GRID2: variants seen among roughly 807,000 people sequenced by gnomAD.
The protein encoded by GRID2 is glutamate receptor ionotropic, delta-2.
GRID2 carries 33 observed loss-of-function variants against 114.8 expected under a neutral mutation model. The observed-to-expected ratio is 0.29, with a 90% CI of 0.22 to 0.38. The LOEUF (loss-of-function observed/expected upper bound fraction) is 0.38, where lower values mean the gene tolerates loss of function less well. Among genes scored for constraint, GRID2 ranks in the 10% least tolerant of loss-of-function variants. The pLI, the probability that GRID2 is intolerant of heterozygous loss-of-function variation, is 1.00. For missense variants in GRID2, 1,184 were observed against 1,257.7 expected (o/e 0.94, Z 0.89); for synonymous variants, 505 against 449.9 (o/e 1.12, Z -1.55).
intron 13 of GRID2, among the ~76,000 whole-genome samples, chr4:93,580,263 A>T (rs545934289): frequency 6.6e-6 from 1 of 152,324 alleles, no homozygotes; most frequent in African/African-American, 2.4e-5. Flanking sequence ...TCAGTTGAAC[A>T]TGGAGAAGGT....
chr4:92,922,414 A>C (rs1039649880), intron 2 of GRID2, among the ~76,000 whole-genome samples: 6 of 152,064 alleles, frequency 3.9e-5, no homozygotes, highest in Admixed American at 3.3e-4. Flanking sequence ...GGAAATGCAG[A>C]AATCACCCAT....
At chr4:92,491,079 T>C (rs901206513) in intron 1 of GRID2, among the ~76,000 whole-genome samples, 1 of 152,106 alleles carries the variant, frequency 6.6e-6, no homozygotes, top group Non-Finnish European at 1.5e-5. Flanking sequence ...TTATAGTAAA[T>C]TGTAGATCTT....
chr4:93,215,704 T>A (rs923900751), intron 5 of GRID2, among the ~76,000 whole-genome samples: 1 of 152,054 alleles, frequency 6.6e-6, no homozygotes, highest in Non-Finnish European at 1.5e-5. Context: ...TTTTTGAATC[T>A]AACATATGCT....
intron 10 of GRID2, among the ~76,000 whole-genome samples, chr4:93,432,480 G>C (rs1029974666): frequency 6.6e-6 from 1 of 152,172 alleles, no homozygotes; most frequent in Non-Finnish European, 1.5e-5. Context: ...GAAAGAGTAG[G>C]TTAGAAAGAC....
At chr4:93,227,883 C>A (rs1179990622) in intron 7 of GRID2, among the ~76,000 whole-genome samples, 1 of 152,180 alleles carries the variant, frequency 6.6e-6, no homozygotes, top group Admixed American at 6.5e-5. Flanking sequence ...CCTTTTCTCT[C>A]CGTATTTTTA....
intron 8 of GRID2, among the ~76,000 whole-genome samples, chr4:93,388,835 A>G (rs1473535572): frequency 1.3e-5 from 2 of 152,140 alleles, no homozygotes; most frequent in African/African-American, 4.8e-5. Context: ...AAAGGATTGG[A>G]TCTGAGAGGT....
intron 2 of GRID2, among the ~76,000 whole-genome samples, chr4:92,718,074 C>G (rs1735632374): frequency 6.6e-6 from 1 of 152,068 alleles, no homozygotes; most frequent in East Asian, 1.9e-4. Flanking sequence ...AAATTTGTTA[C>G]AGTATGCATG....
intron 10 of GRID2, among the ~76,000 whole-genome samples, chr4:93,452,755 A>G (rs1170719456): frequency 6.6e-6 from 1 of 152,138 alleles, no homozygotes; most frequent in African/African-American, 2.4e-5. Context: ...TAAAAAGTGG[A>G]CAAGTGAGTT....
chr4:92,909,967 C>T (rs1748248448), intron 2 of GRID2, among the ~76,000 whole-genome samples: 2 of 152,136 alleles, frequency 1.3e-5, no homozygotes, highest in South Asian at 4.1e-4. Flanking sequence ...GGAAGTCCTC[C>T]ATTAGTCCTA....
At chr4:93,101,309 C>T (rs923459434) in intron 3 of GRID2, among the ~76,000 whole-genome samples, 11 of 152,098 alleles carry the variant, frequency 7.2e-5, no homozygotes, top group African/African-American at 2.6e-4. Context: ...TTGAAATGTA[C>T]AATCAATTGA....
At chr4:92,747,177 T>C (rs1451243748) in intron 2 of GRID2, among the ~76,000 whole-genome samples, 1 of 152,058 alleles carries the variant, frequency 6.6e-6, no homozygotes, top group Non-Finnish European at 1.5e-5. Flanking sequence ...ATTGCCGTTT[T>C]ATAATGGCAA....
intron 2 of GRID2, among the ~76,000 whole-genome samples, chr4:92,748,652 A>ATTG (rs1737277842): frequency 6.8e-6 from 1 of 146,694 alleles, no homozygotes; most frequent in Non-Finnish European, 1.5e-5. Flanking sequence ...TATTATTATT[A>ATTG]TTATTATTAT....
chr4:93,535,528 G>T (rs1268619754), intron 13 of GRID2, among the ~76,000 whole-genome samples: 1 of 151,836 alleles, frequency 6.6e-6, no homozygotes, highest in East Asian at 1.9e-4. Flanking sequence ...GGTAACAAGG[G>T]TTCTTTTTTC....
chr4:93,740,664 A>G (rs1731287073), intron 14 of GRID2, among the ~76,000 whole-genome samples: 1 of 152,188 alleles, frequency 6.6e-6, no homozygotes, highest in Non-Finnish European at 1.5e-5. Context: ...TTGTCTCATC[A>G]TCTTCAGAAC....
At chr4:93,488,452 C>T (rs1004942443) in intron 11 of GRID2, among the ~76,000 whole-genome samples, 2 of 151,740 alleles carry the variant, frequency 1.3e-5, no homozygotes, top group Non-Finnish European at 2.9e-5. Flanking sequence ...AGACATATTA[C>T]GTAGTGGGAA....
chr4:92,481,979 G>A (rs1411373522), intron 1 of GRID2, among the ~76,000 whole-genome samples: 1 of 53,286 alleles, frequency 1.9e-5, no homozygotes, highest in Non-Finnish European at 3.8e-5. Flanking sequence ...AGAATAAAAT[G>A]TGATATATAT....
At chr4:93,177,879 A>G (rs753376701) in intron 4 of GRID2, among the ~76,000 whole-genome samples, 20 of 152,036 alleles carry the variant, frequency 1.3e-4, no homozygotes, top group African/African-American at 2.4e-4. Flanking sequence ...TACTTTTTCT[A>G]TATGTTAATG....
intron 2 of GRID2, among the ~76,000 whole-genome samples, chr4:92,857,320 T>C (rs780516844): frequency 3.9e-5 from 6 of 152,144 alleles, no homozygotes; most frequent in Non-Finnish European, 7.3e-5. Flanking sequence ...CAAAATAGGC[T>C]GAAATCCAGG....
intron 1 of GRID2, among the ~76,000 whole-genome samples, chr4:92,373,017 A>G (rs539327934): frequency 2.6e-5 from 4 of 152,304 alleles, no homozygotes; most frequent in Non-Finnish European, 1.5e-5. Context: ...AACAAAGGAA[A>G]CTAACACAAA....
Sources: allele counts gnomAD v4.1 joint callset (sites outside exome capture counted in the v4.1 genomes callset), GRCh38; gene constraint gnomAD v4.1.1; transcripts MANE v1.5; gene names NCBI Gene and HGNC (gene_info 2026-07-23, HGNC 2026-07-21).